DMD: variants seen among roughly 807,000 people sequenced by gnomAD.
DMD encodes the protein mutant dystrophin.
In DMD, 63 loss-of-function variants were observed where a neutral mutation model predicts 330.1. That is an observed-to-expected ratio of 0.19 (90% CI 0.16 to 0.24). The LOEUF is 0.24. Ranked by LOEUF, DMD falls within the 10% of genes least tolerant of loss-of-function variation. The pLI is 1.00. For missense variants in DMD, 3,344 were observed against 2,684.1 expected (o/e 1.25, Z -5.43); for synonymous variants, 1,223 against 959.8 (o/e 1.27, Z -5.07).
At chrX:32,269,655 G>A (rs1351904677) in intron 43 of DMD, among the ~76,000 whole-genome samples, 2 of 111,486 alleles carry the variant, frequency 1.8e-5, no homozygotes, top group African/African-American at 6.5e-5. Context: ...ATCACAATAT[G>A]AGTATTAGGG....
chrX:33,130,027 G>C (rs180919054), intron 1 of DMD, among the ~76,000 whole-genome samples: 169 of 111,733 alleles, frequency 1.5e-3, no homozygotes, highest in Non-Finnish European at 1.6e-3. Flanking sequence ...GTCCTAGCTC[G>C]AGGGCGGCAA....
intron 47 of DMD, among the ~76,000 whole-genome samples, chrX:31,916,669 C>T (rs978648769): frequency 8.9e-6 from 1 of 111,816 alleles, no homozygotes; most frequent in African/African-American, 3.2e-5. Context: ...GAAATCTCCC[C>T]TTCTCCTGCT....
intron 2 of DMD, among the ~76,000 whole-genome samples, chrX:33,011,707 A>C (rs749393995): frequency 8.9e-6 from 1 of 112,183 alleles, no homozygotes; most frequent in African/African-American, 3.2e-5. Flanking sequence ...TAAATGTTGA[A>C]AGGTTATTTT....
In DMD at chrX:32,012,331, T is replaced by C. The variant is rs2095716231; in HGVS notation, c.6439-43817A>G. Among the ~76,000 whole-genome samples the C allele has an allele frequency of 2.7e-5, 3 of 112,068 alleles. No homozygotes were observed. The South Asian group carries it at 1.1e-3, about 42-fold the overall frequency. ...CTGAGCATGACAAAGAATGAACATA[T>C]AGGTGGTCCTGGATTCAAGGCAACA... On this transcript the variant is annotated intron_variant, in intron 44 of 78. Coordinates refer to ENST00000357033, the MANE Select transcript of DMD (RefSeq NM_004006.3).
intron 64 of DMD, among the ~76,000 whole-genome samples, chrX:31,211,914 G>C (rs1328888889): frequency 9.0e-6 from 1 of 111,160 alleles, no homozygotes; most frequent in African/African-American, 3.3e-5. Context: ...TTTCCATTTA[G>C]GTATACACAA....
chrX:32,857,581 G>A (rs1397634002), intron 2 of DMD, among the ~76,000 whole-genome samples: 3 of 111,930 alleles, frequency 2.7e-5, no homozygotes, highest in Non-Finnish European at 5.6e-5. Flanking sequence ...AGAAAATATA[G>A]TTAACTGTTA....
intron 54 of DMD, among the ~76,000 whole-genome samples, chrX:31,656,895 G>T (rs912954217): frequency 2.7e-5 from 3 of 111,144 alleles, no homozygotes; most frequent in Non-Finnish European, 5.7e-5. Flanking sequence ...TGGAATTCAG[G>T]ATTAGAGTTG....
At chrX:32,981,644 T>C in intron 2 of DMD, among the ~76,000 whole-genome samples, 1 of 111,689 alleles carries the variant, frequency 9.0e-6, no homozygotes, top group Non-Finnish European at 1.9e-5. Flanking sequence ...ACAAATATGA[T>C]GGATTATTTC....
At chrX:32,575,306 T>G (rs1416423480) in intron 13 of DMD, among the ~76,000 whole-genome samples, 1 of 112,194 alleles carries the variant, frequency 8.9e-6, no homozygotes, top group Non-Finnish European at 1.9e-5. Context: ...GCAGTCAACA[T>G]TTTCCTACAG....
chrX:32,810,545 G>C lies in DMD; in HGVS notation c.531-934C>G, dbSNP rs192838311. ...GCAGTTGCTCAGATAAAAACCCTTG[G>C]AGTCATCCTTAATGACTATTTTACT... is the stretch of plus-strand genomic sequence containing the variant. On this transcript the variant is annotated intron_variant, in intron 6 of 78. Transcript: ENST00000357033. Among the ~76,000 whole-genome samples the C allele has an allele frequency of 2.5e-3, 284 of 111,701 alleles. 2 individuals carry two copies. Among genetic ancestry groups the C allele is most frequent in the Middle Eastern group, 4.6e-3 (1 of 217 alleles).
intron 1 of DMD, among the ~76,000 whole-genome samples, chrX:33,310,314 G>T (rs752756434): frequency 9.0e-6 from 1 of 110,900 alleles, no homozygotes. Context: ...AGGTTTAATT[G>T]CTTATTATAA....
intron 27 of DMD, among the ~76,000 whole-genome samples, chrX:32,444,676 T>TC (rs2098296285): frequency 9.0e-6 from 1 of 110,837 alleles, no homozygotes; most frequent in Admixed American, 9.6e-5. Flanking sequence ...TTTTGGGAGA[T>TC]CATCTCTTTC....
chrX:33,028,718 CAT>C (rs1434352801), intron 1 of DMD, among the ~76,000 whole-genome samples: 1 of 111,680 alleles, frequency 9.0e-6, no homozygotes, highest in African/African-American at 3.3e-5. Context: ...CTGATATATA[CAT>C]ATGTGTAGGC....
chrX:31,995,818 TAAC>T, intron 44 of DMD, among the ~76,000 whole-genome samples: 1 of 112,244 alleles, frequency 8.9e-6, no homozygotes, highest in Non-Finnish European at 1.9e-5. Context: ...AGTTGGATGT[TAAC>T]TACTTTTCAT....
At chrX:31,545,394 T>C (rs1412264407) in intron 55 of DMD, among the ~76,000 whole-genome samples, 1 of 112,310 alleles carries the variant, frequency 8.9e-6, no homozygotes, top group Non-Finnish European at 1.9e-5. Flanking sequence ...TATTTCCTTC[T>C]GCCTTCTGGG....
intron 18 of DMD, among the ~76,000 whole-genome samples, chrX:32,509,289 T>C (rs1004269301): frequency 9.1e-6 from 1 of 110,318 alleles, no homozygotes; most frequent in Non-Finnish European, 1.9e-5. Context: ...AAATGAAATA[T>C]ATGAACTTCT....
At chrX:31,741,937 T>C (rs963406991) in intron 51 of DMD, among the ~76,000 whole-genome samples, 1 of 112,116 alleles carries the variant, frequency 8.9e-6, no homozygotes, top group African/African-American at 3.2e-5. Context: ...TAGTTTGATC[T>C]TCTGGATAGT....
chrX:31,346,629 GTTAT>G (rs1273124904), intron 61 of DMD, among the ~76,000 whole-genome samples: 1 of 110,621 alleles, frequency 9.0e-6, no homozygotes, highest in African/African-American at 3.3e-5. Flanking sequence ...GTTAACCAAG[GTTAT>G]TTCTCTTAGT....
intron 60 of DMD, among the ~76,000 whole-genome samples, chrX:31,390,519 C>T (rs1386733727): frequency 6.3e-5 from 7 of 111,018 alleles, no homozygotes; most frequent in Non-Finnish European, 1.3e-4. Flanking sequence ...GCTTCCTCCT[C>T]CATCTTTATC....
Sources: gnomAD v4.1 joint callset for allele counts (sites outside exome capture counted in the v4.1 genomes callset) on GRCh38, gnomAD v4.1.1 for gene constraint, MANE v1.5 for transcripts, NCBI Gene and HGNC (gene_info 2026-07-23, HGNC 2026-07-21) for gene names.